Variants in ARHGEF28 observed in about 807,000 individuals in gnomAD.
The protein encoded by ARHGEF28 is 190 kDa guanine nucleotide exchange factor.
ARHGEF28 carries 152 observed loss-of-function variants against 206.6 expected under a neutral mutation model. The ratio of observed to expected loss-of-function variants is 0.74; its 90% CI spans 0.64 to 0.84. ARHGEF28 has a LOEUF of 0.84. ARHGEF28 is among the 40% of genes least tolerant of loss of function. The probability of loss-of-function intolerance (pLI) is 0.00; values close to 1 mark genes in which losing one functional copy is unlikely to be tolerated. For missense variants in ARHGEF28, 2,028 were observed against 2,073.2 expected (o/e 0.98, Z 0.42); for synonymous variants, 763 against 776.4 (o/e 0.98, Z 0.29).
chr5:73,694,322 C>T (rs1748043780), intron 2 of ARHGEF28, among the ~76,000 whole-genome samples: 1 of 152,184 alleles, frequency 6.6e-6, no homozygotes, highest in African/African-American at 2.4e-5. Context: ...GTGTGAGTTT[C>T]AGGTCCGTGG....
rs1290412115 is a variant in ARHGEF28, at chr5:73,882,595, G to A, written c.2937+1G>A. ...TAAAAAGTTTCAGAATTTTATTAAGGCAAGTATTTTAAAACTTTATTACAA... is the reference window on the plus strand; with the variant it reads ...TAAAAAGTTTCAGAATTTTATTAAGACAAGTATTTTAAAACTTTATTACAA... On this transcript the variant is annotated splice_donor_variant, in intron 23 of 35. Transcript: ENST00000513042. LOFTEE classifies it high-confidence loss of function. 7 of 1,479,328 alleles carry A rather than the reference G, an allele frequency of 4.7e-6. No individual in the cohort carries two copies. The highest frequency in any genetic ancestry group is 1.8e-6 in the Non-Finnish European group (2 of 1,108,536). 91.6% of individuals were successfully genotyped at this position (1,479,328 alleles called of 1,614,324 possible).
intron 11 of ARHGEF28, among the ~76,000 whole-genome samples, chr5:73,842,747 G>T (rs1205310899): frequency 6.6e-6 from 1 of 152,170 alleles, no homozygotes; most frequent in Non-Finnish European, 1.5e-5. Context: ...GGGAGGCCGA[G>T]GCAGGTGGAT....
intron 16 of ARHGEF28, among the ~76,000 whole-genome samples, chr5:73,864,378 T>G (rs1003823463): frequency 1.3e-5 from 2 of 152,236 alleles, no homozygotes; most frequent in Non-Finnish European, 2.9e-5. Context: ...ATACATTTTT[T>G]TCAGCATTGT....
At chr5:73,818,686 A>G (rs1756385334) in intron 9 of ARHGEF28, among the ~76,000 whole-genome samples, 1 of 152,190 alleles carries the variant, frequency 6.6e-6, no homozygotes, top group South Asian at 2.1e-4. Context: ...GCCCATTACA[A>G]ACTCTTTGCC....
chr5:73,644,037 T>G (rs567288075), intron 1 of ARHGEF28, among the ~76,000 whole-genome samples: 54 of 128,936 alleles, frequency 4.2e-4, no homozygotes, highest in Non-Finnish European at 1.1e-4. Flanking sequence ...TTAGTGAGAG[T>G]CTGTCTTATA....
At chr5:73,891,594 C>T (rs546045401) in intron 26 of ARHGEF28, among the ~76,000 whole-genome samples, 59 of 151,344 alleles carry the variant, frequency 3.9e-4, no homozygotes, top group Non-Finnish European at 5.4e-4. Context: ...GGCTGGAGTG[C>T]GCTCACTGCA....
Position 73,833,100 on chromosome 5 carries a change from C to T in ARHGEF28, c.1146+641C>T, listed in dbSNP as rs62357758. 4.8e-3 allele frequency among the ~76,000 whole-genome samples: 735 copies of T among 152,188 alleles called. 7 individuals are homozygous for T. Among genetic ancestry groups the T allele is most frequent in the African/African-American group, 0.017 (694 of 41,536 alleles). ...TCTTGTCTTTTGTTCTTTTCTCTAG[C>T]TCAGTGATCTTCAAATTTTAGTATT... is the stretch of plus-strand genomic sequence containing the variant. On this transcript the variant is annotated intron_variant, in intron 10 of 35. Transcript: ENST00000513042.
chr5:73,794,240 C>T (rs1754656888), intron 7 of ARHGEF28, 162 bp from the exon 8 acceptor site: 4 of 554,058 alleles, frequency 7.2e-6, no homozygotes, highest in African/African-American at 3.9e-5. Context: ...GGTTATTAGA[C>T]ACTCTGCTCT....
At chr5:73,677,094 G>T (rs932163272) in intron 1 of ARHGEF28, among the ~76,000 whole-genome samples, 6 of 152,156 alleles carry the variant, frequency 3.9e-5, no homozygotes, top group African/African-American at 1.4e-4. Flanking sequence ...TCTAAATATG[G>T]AATGATTAGA....
intron 2 of ARHGEF28, among the ~76,000 whole-genome samples, chr5:73,721,494 T>C (rs985804635): frequency 1.3e-5 from 2 of 152,098 alleles, no homozygotes; most frequent in Admixed American, 6.5e-5. Context: ...AGGTATATTT[T>C]CCCCCCAGAA....
At chr5:73,934,518 G>A (rs1413081567) in intron 35 of ARHGEF28, among the ~76,000 whole-genome samples, 1 of 152,170 alleles carries the variant, frequency 6.6e-6, no homozygotes, top group African/African-American at 2.4e-5. Context: ...GAATTTAGAA[G>A]CTTCTGAATT....
chr5:73,757,310 C>G (rs948487660), intron 4 of ARHGEF28, among the ~76,000 whole-genome samples: 22 of 152,098 alleles, frequency 1.4e-4, no homozygotes, highest in African/African-American at 5.3e-4. Flanking sequence ...TCTTCCAGTA[C>G]TTGTCCAAAA....
At chr5:73,766,166 A>G (rs988244652) in intron 4 of ARHGEF28, among the ~76,000 whole-genome samples, 3 of 149,860 alleles carry the variant, frequency 2.0e-5, no homozygotes, top group Admixed American at 6.6e-5. Context: ...AAAAAAAAAA[A>G]CAAAAAACAA....
At chr5:73,684,319 A>G (rs1456672338) in intron 1 of ARHGEF28, among the ~76,000 whole-genome samples, 3 of 152,244 alleles carry the variant, frequency 2.0e-5, no homozygotes, top group Non-Finnish European at 4.4e-5. Flanking sequence ...AAGTAGAATC[A>G]TACAGTATTT....
chr5:73,653,583 C>T lies in ARHGEF28; in HGVS notation c.-12+27261C>T, dbSNP rs201099446. On this transcript the variant is annotated intron_variant, in intron 1 of 35. Transcript: ENST00000513042. Reference sequence around the variant, plus strand: ...TCAGCTTCTGCCTCCTTGTGTCTTGCACATAGCTACATGGAAGGAATATCA... The same window carrying T: ...TCAGCTTCTGCCTCCTTGTGTCTTGTACATAGCTACATGGAAGGAATATCA... Among the ~76,000 whole-genome samples, 22 of 152,328 alleles carry T rather than the reference C, an allele frequency of 1.4e-4. No homozygotes were observed. The East Asian group carries it at 2.5e-3, about 17-fold the overall frequency.
intron 4 of ARHGEF28, among the ~76,000 whole-genome samples, chr5:73,759,078 G>T (rs976250377): frequency 2.6e-5 from 4 of 152,150 alleles, no homozygotes; most frequent in African/African-American, 9.7e-5. Context: ...TTCTCATTCT[G>T]TGGGTCCATG....
intron 16 of ARHGEF28, among the ~76,000 whole-genome samples, chr5:73,860,642 T>G (rs912466875): frequency 6.6e-6 from 1 of 152,218 alleles, no homozygotes; most frequent in Non-Finnish European, 1.5e-5. Context: ...TCTAGAATAC[T>G]GGGAGGGAAT....
chr5:73,886,145 A>G (rs749984610), intron 25 of ARHGEF28, 41 bp downstream of exon 25: 1 of 1,561,812 alleles, frequency 6.4e-7, no homozygotes, highest in Non-Finnish European at 8.6e-7. Flanking sequence ...CTTCATACAC[A>G]TTATTCATTT....
chr5:73,789,387 G>A (rs78265091), intron 7 of ARHGEF28, among the ~76,000 whole-genome samples: 2,492 of 152,274 alleles, frequency 0.016, 63 homozygotes, highest in African/African-American at 0.057. Context: ...TTGGGCTGGG[G>A]TGTGGAAGGA....
Sources: gnomAD v4.1 joint callset for allele counts (sites outside exome capture counted in the v4.1 genomes callset) on GRCh38, gnomAD v4.1.1 for gene constraint, MANE v1.5 for transcripts, NCBI Gene and HGNC (gene_info 2026-07-23, HGNC 2026-07-21) for gene names.